Variants in KAZN observed in about 807,000 individuals in gnomAD.
KAZN encodes kazrin, periplakin interacting protein.
A neutral mutation model predicts 87.4 loss-of-function variants in KAZN; 40 were observed. The observed-to-expected ratio is 0.46, with a 90% CI of 0.36 to 0.60. The LOEUF (loss-of-function observed/expected upper bound fraction) is 0.60, where lower values mean the gene tolerates loss of function less well. Ranked by LOEUF, KAZN falls within the 20% of genes least tolerant of loss-of-function variation. KAZN has a pLI of 0.00. For missense variants in KAZN, 898 were observed against 1,073.9 expected, an observed-to-expected ratio of 0.84 and a Z score of 2.29; for synonymous variants, 466 against 458.3, an observed-to-expected ratio of 1.02 and a Z score of -0.22.
chr1:14,198,691 G>T (rs1470722828), intron 2 of KAZN, among the ~76,000 whole-genome samples: 1 of 152,178 alleles, frequency 6.6e-6, no homozygotes, highest in African/African-American at 2.4e-5. Context: ...GCCATCAAGA[G>T]GTGAATGTTT....
rs566114476 is a variant in KAZN, at chr1:14,582,567, G to A, written c.250-16416G>A. ...ATGAGACTGTCCTTTACAAACACTT[G>A]TTCCCAAATCTGGGACATGTGGATG... On this transcript the variant is annotated intron_variant, in intron 2 of 16. Transcript: ENST00000636203. 5.9e-5 allele frequency among the ~76,000 whole-genome samples: 9 copies of A among 152,242 alleles called. No homozygotes were observed. In the East Asian group the frequency reaches 1.4e-3, roughly 23 times the overall value.
At chr1:14,277,115 AAC>A (rs1267032739) in intron 2 of KAZN, among the ~76,000 whole-genome samples, 3 of 152,184 alleles carry the variant, frequency 2.0e-5, no homozygotes, top group Non-Finnish European at 4.4e-5. Context: ...GAAAATTTCA[AAC>A]ACACAAAAGT....
intron 1 of KAZN, among the ~76,000 whole-genome samples, chr1:14,147,006 G>A (rs963223668): frequency 1.3e-5 from 2 of 151,968 alleles, no homozygotes; most frequent in Admixed American, 6.6e-5. Context: ...AGACAGCAAG[G>A]ATAAAGACCT....
At chr1:14,573,328 C>T (rs1674983032) in intron 2 of KAZN, among the ~76,000 whole-genome samples, 1 of 152,170 alleles carries the variant, frequency 6.6e-6, no homozygotes, top group Non-Finnish European at 1.5e-5. Context: ...TTCCCATACA[C>T]CTCTTTTCTA....
At chr1:14,859,125 T>A (rs886441570) in intron 1 of KAZN, among the ~76,000 whole-genome samples, 7 of 151,034 alleles carry the variant, frequency 4.6e-5, no homozygotes, top group Non-Finnish European at 8.8e-5. Context: ...GAGAATGGCG[T>A]GAACCTGGGA....
chr1:14,801,430 G>A (rs144346762), intron 1 of KAZN, among the ~76,000 whole-genome samples: 15 of 152,304 alleles, frequency 9.8e-5, no homozygotes, highest in South Asian at 2.1e-4. Flanking sequence ...CCGCAGTCCA[G>A]AGAGTGGCTG....
intron 2 of KAZN, among the ~76,000 whole-genome samples, chr1:15,019,436 T>C (rs1437405593): frequency 6.6e-6 from 1 of 152,226 alleles, no homozygotes; most frequent in African/African-American, 2.4e-5. Context: ...TCACCCAGGC[T>C]GGAGTGCAGT....
rs551188054 is a variant in KAZN at position 15,059,966 on chromosome 1, T to C, written c.917-206T>C. The stretch of plus-strand genomic sequence containing the variant: ...AGGAGGGTTCATTGGATCCAGAGGC[T>C]ATGGGAGGTTCTTCCCAGCAGCTGC... On this transcript the variant is annotated intron_variant, in intron 5 of 14. Transcript: ENST00000376030. Among the ~76,000 whole-genome samples the C allele has an allele frequency of 2.6e-5, 4 of 152,244 alleles. No individual in the cohort carries two copies. The South Asian group carries it at 8.3e-4, about 32-fold the overall frequency.
chr1:14,865,107 G>A (rs749259041), intron 1 of KAZN, among the ~76,000 whole-genome samples: 3 of 152,144 alleles, frequency 2.0e-5, no homozygotes, highest in Non-Finnish European at 4.4e-5. Flanking sequence ...ACTCAACACT[G>A]GATGCAAAGA....
intron 2 of KAZN, among the ~76,000 whole-genome samples, chr1:14,969,884 G>A (rs1478184183): frequency 2.6e-5 from 4 of 152,106 alleles, no homozygotes; most frequent in Non-Finnish European, 5.9e-5. Flanking sequence ...CATGATCTTG[G>A]CTCACTGCAA....
At chr1:14,308,937 A>C (rs1197767288) in intron 2 of KAZN, among the ~76,000 whole-genome samples, 1 of 152,238 alleles carries the variant, frequency 6.6e-6, no homozygotes, top group African/African-American at 2.4e-5. Context: ...TTCATCAAAT[A>C]CATGCAGTCC....
chr1:14,326,856 A>G (rs914377906), intron 2 of KAZN, among the ~76,000 whole-genome samples: 1 of 151,670 alleles, frequency 6.6e-6, no homozygotes, highest in African/African-American at 2.4e-5. Flanking sequence ...TTTTCTGATG[A>G]TCCCACATAC....
chr1:14,071,447 C>T (rs145444597), intron 1 of KAZN, among the ~76,000 whole-genome samples: 46 of 152,282 alleles, frequency 3.0e-4, no homozygotes, highest in Middle Eastern at 6.8e-3. Context: ...AGGGTTGCTA[C>T]AGTCAGAAAC....
intron 2 of KAZN, among the ~76,000 whole-genome samples, chr1:14,189,553 T>TGGG (rs1385613664): frequency 6.6e-6 from 1 of 152,110 alleles, no homozygotes; most frequent in Non-Finnish European, 1.5e-5. Context: ...CATTGTGCAC[T>TGGG]GGGGCCTGGC....
At chr1:15,015,813 C>T (rs960224810) in intron 2 of KAZN, among the ~76,000 whole-genome samples, 8 of 152,132 alleles carry the variant, frequency 5.3e-5, no homozygotes, top group African/African-American at 1.7e-4. Flanking sequence ...CCACTCCAAG[C>T]CACTGTCTTG....
At chr1:14,092,570 CATATGTAT>C (rs1644026004) in intron 1 of KAZN, among the ~76,000 whole-genome samples, 1 of 126,228 alleles carries the variant, frequency 7.9e-6, no homozygotes, top group Admixed American at 8.3e-5. Flanking sequence ...CACATATATA[CATATGTAT>C]GTACATATAT....
Position 15,021,296 on chromosome 1 carries a change from G to T in KAZN, c.419-13453G>T, listed in dbSNP as rs1670641054. ...CAAGCCTTTAAAAATAGTCCTCGTTGTGTGGGGCATGGGGCCTGAGGCTGA... is the reference window on the plus strand; with the variant it reads ...CAAGCCTTTAAAAATAGTCCTCGTTTTGTGGGGCATGGGGCCTGAGGCTGA... On this transcript the variant is annotated intron_variant, in intron 2 of 14. Transcript: ENST00000376030. The surrounding 1 kb of genome is among the most constrained non-coding windows in gnomAD (Gnocchi z 4.2). Among the ~76,000 whole-genome samples, 2 of 152,164 alleles carry T rather than the reference G, an allele frequency of 1.3e-5. No homozygotes were observed. Among genetic ancestry groups the T allele is most frequent in the African/African-American group, 2.4e-5 (1 of 41,432 alleles).
In KAZN at chr1:15,021,637, G is replaced by A. The variant is rs1050433739; in HGVS notation, c.419-13112G>A. Among the ~76,000 whole-genome samples, 5 of 152,178 alleles carry A rather than the reference G, an allele frequency of 3.3e-5. No individual in the cohort carries two copies. In the East Asian group the frequency reaches 7.7e-4, roughly 24 times the overall value. On this transcript the variant is annotated intron_variant, in intron 2 of 14. Transcript: ENST00000376030. This position sits in a 1 kb window ranked among gnomAD's most constrained non-coding sequence, Gnocchi z 4.2. ...GCTCTTCCAGGGGCAGTCCTGAGCCGGGGTGGTGGCAGGGACAGTGTGCCC... is the reference window on the plus strand; with the variant it reads ...GCTCTTCCAGGGGCAGTCCTGAGCCAGGGTGGTGGCAGGGACAGTGTGCCC...
chr1:14,965,349 G>A (rs1664338880), intron 2 of KAZN, among the ~76,000 whole-genome samples: 2 of 152,138 alleles, frequency 1.3e-5, no homozygotes, highest in African/African-American at 4.8e-5. Context: ...TGTATAAACT[G>A]CATGAGCCCT....
Sources: gnomAD v4.1 joint callset for allele counts (sites outside exome capture counted in the v4.1 genomes callset) on GRCh38, gnomAD v4.1.1 for gene constraint, Gnocchi (gnomAD v3.1) non-coding constraint, MANE v1.5 for transcripts, NCBI Gene and HGNC (gene_info 2026-07-23, HGNC 2026-07-21) for gene names.